The following IL34 variants were observed in gnomAD, a reference collection of about 807,000 sequenced individuals.
IL34 encodes the protein interleukin-34.
Under a neutral mutation model 25.3 loss-of-function variants are expected in IL34, and 17 were observed. That is an observed-to-expected ratio of 0.67 (90% CI 0.46 to 1.01). The LOEUF is 1.01. Among genes scored for constraint, IL34 ranks in the 50% least tolerant of loss-of-function variants. The pLI, the probability that IL34 is intolerant of heterozygous loss-of-function variation, is 0.00. For synonymous variants in IL34, 174 were observed against 140.9 expected (o/e 1.23, Z -1.66); for missense variants, 368 against 312.9 (o/e 1.18, Z -1.33).
At chr16:70,582,459 G>A (rs1488296475) in intron 1 of IL34, among the ~76,000 whole-genome samples, 1 of 152,250 alleles carries the variant, frequency 6.6e-6, no homozygotes, top group South Asian at 2.1e-4. Flanking sequence ...GGAGCTGGTC[G>A]GGCTGGATTC....
chr16:70,616,203 T>A (rs1268395889), intron 1 of IL34, among the ~76,000 whole-genome samples: 1 of 152,212 alleles, frequency 6.6e-6, no homozygotes, highest in African/African-American at 2.4e-5. Flanking sequence ...ATATGCAGGA[T>A]AAATTCCCAG....
intron 1 of IL34, among the ~76,000 whole-genome samples, chr16:70,588,152 G>A (rs995960677): frequency 6.6e-6 from 1 of 152,038 alleles, no homozygotes; most frequent in African/African-American, 2.4e-5. Flanking sequence ...TTTAACTGGT[G>A]CAGCTGCTGT....
chr16:70,656,001 C>G (rs566592646), intron 2 of IL34, among the ~76,000 whole-genome samples: 1 of 152,212 alleles, frequency 6.6e-6, no homozygotes, highest in Non-Finnish European at 1.5e-5. Flanking sequence ...GCAACCATCA[C>G]CATCATAGGT....
intron 1 of IL34, among the ~76,000 whole-genome samples, chr16:70,599,531 A>ATTT (rs571022559): frequency 7.5e-6 from 1 of 132,918 alleles, no homozygotes; most frequent in Non-Finnish European, 1.7e-5. Context: ...TAATTTTTGT[A>ATTT]TTTTTTTTTT....
chr16:70,641,432 C>A (rs940546503), intron 1 of IL34, among the ~76,000 whole-genome samples: 1 of 152,140 alleles, frequency 6.6e-6, no homozygotes, highest in African/African-American at 2.4e-5. Flanking sequence ...CCATCAATTA[C>A]ACCTCAATAA....
intron 2 of IL34, among the ~76,000 whole-genome samples, chr16:70,655,259 G>A (rs2052186793): frequency 6.6e-6 from 1 of 151,822 alleles, no homozygotes; most frequent in Non-Finnish European, 1.5e-5. Flanking sequence ...CACCATGTTA[G>A]TCAGGATGGT....
At chr16:70,583,063 G>C (rs1309445899) in intron 1 of IL34, among the ~76,000 whole-genome samples, 2 of 152,158 alleles carry the variant, frequency 1.3e-5, no homozygotes, top group Non-Finnish European at 2.9e-5. Flanking sequence ...GAACTTCGAA[G>C]ATCAAGTGAG....
chr16:70,657,559 C>T (rs989050933), intron 4 of IL34, among the ~76,000 whole-genome samples: 6 of 151,944 alleles, frequency 3.9e-5, no homozygotes, highest in Non-Finnish European at 7.4e-5. Context: ...TTTGGGAGGC[C>T]GAGGTCAGGA....
At chr16:70,638,996 G>A (rs1174184259) in intron 1 of IL34, among the ~76,000 whole-genome samples, 1 of 152,206 alleles carries the variant, frequency 6.6e-6, no homozygotes, top group East Asian at 1.9e-4. Flanking sequence ...TAGACACCTG[G>A]CTCTTAGTTA....
intron 1 of IL34, among the ~76,000 whole-genome samples, chr16:70,587,810 G>A (rs1329431951): frequency 2.6e-5 from 4 of 151,956 alleles, no homozygotes; most frequent in African/African-American, 4.8e-5. Context: ...AGGCCGAGGC[G>A]AGCAGATCAC....
chr16:70,625,158 T>C (rs1378047084), intron 1 of IL34, among the ~76,000 whole-genome samples: 1 of 151,940 alleles, frequency 6.6e-6, no homozygotes. Context: ...CGTTTAGGTT[T>C]TAGGTCAGGT....
At chr16:70,602,462 G>T (rs2050932294) in intron 1 of IL34, among the ~76,000 whole-genome samples, 1 of 152,086 alleles carries the variant, frequency 6.6e-6, no homozygotes, top group Non-Finnish European at 1.5e-5. Context: ...GAGCCCTGGA[G>T]GTTGAGGCTG....
intron 2 of IL34, 46 bp downstream of exon 2, chr16:70,654,717 G>C (rs1365545840): frequency 1.8e-5 from 28 of 1,560,708 alleles, no homozygotes; most frequent in Non-Finnish European, 2.4e-5. Context: ...GCGTCCCGGG[G>C]TTCACCTGGC....
At chr16:70,615,649 T>C (rs376544330) in intron 1 of IL34, among the ~76,000 whole-genome samples, 1 of 152,126 alleles carries the variant, frequency 6.6e-6, no homozygotes, top group Admixed American at 6.5e-5. Context: ...TATATAGATA[T>C]AGATATAGGT....
chr16:70,602,951 C>G (rs1473262446), intron 1 of IL34, among the ~76,000 whole-genome samples: 1 of 152,030 alleles, frequency 6.6e-6, no homozygotes, highest in Non-Finnish European at 1.5e-5. Context: ...GTTTCACGGC[C>G]CCCAAACATC....
intron 1 of IL34, among the ~76,000 whole-genome samples, chr16:70,590,071 G>C (rs1014444447): frequency 1.3e-5 from 2 of 152,352 alleles, no homozygotes; most frequent in African/African-American, 2.4e-5. Context: ...TGTTGCTGGA[G>C]AGATGGACAG....
intron 1 of IL34, among the ~76,000 whole-genome samples, chr16:70,599,621 C>T (rs913418294): frequency 2.6e-5 from 4 of 151,460 alleles, no homozygotes; most frequent in East Asian, 1.9e-4. Context: ...GGTGATCGCC[C>T]GCCTCGGCAG....
At chr16:70,618,356 G>A (rs1037624167) in intron 1 of IL34, among the ~76,000 whole-genome samples, 1 of 152,014 alleles carries the variant, frequency 6.6e-6, no homozygotes, top group Non-Finnish European at 1.5e-5. Context: ...TAATGTGGGA[G>A]GCCGGATTGA....
intron 1 of IL34, among the ~76,000 whole-genome samples, chr16:70,634,574 G>A (rs1289263421): frequency 2.6e-5 from 4 of 152,050 alleles, no homozygotes; most frequent in Non-Finnish European, 5.9e-5. Context: ...CAGGTACTCA[G>A]GAGGCTGAGG....
Sources: gnomAD v4.1 joint callset for allele counts (sites outside exome capture counted in the v4.1 genomes callset) on GRCh38, gnomAD v4.1.1 for gene constraint, MANE v1.5 for transcripts, NCBI Gene and HGNC (gene_info 2026-07-23, HGNC 2026-07-21) for gene names.